GALNTL6: variants seen among roughly 807,000 people sequenced by gnomAD.
GALNTL6 encodes polypeptide N-acetylgalactosaminyltransferase like 6.
A neutral mutation model predicts 73.7 loss-of-function variants in GALNTL6; 46 were observed. That is an observed-to-expected ratio of 0.62 (90% CI 0.49 to 0.80). The LOEUF is 0.80. GALNTL6 is among the 30% of genes least tolerant of loss of function. The probability of loss-of-function intolerance (pLI) is 0.00; values close to 1 mark genes in which losing one functional copy is unlikely to be tolerated. For missense variants in GALNTL6, 604 were observed against 755.0 expected, an observed-to-expected ratio of 0.80 and a Z score of 2.34; for synonymous variants, 259 against 263.7, an observed-to-expected ratio of 0.98 and a Z score of 0.17.
In GALNTL6 at chr4:172,682,465, T is replaced by C. The variant is rs564814762; in HGVS notation, c.554-126896T>C. Among the ~76,000 whole-genome samples, 53 of 152,294 alleles carry C rather than the reference T, an allele frequency of 3.5e-4. 1 individual carries two copies. The East Asian group carries it at 8.9e-3, about 26-fold the overall frequency. On this transcript the variant is annotated intron_variant, in intron 5 of 12. Transcript: ENST00000506823. ...TGAAGGATAAGTTCAAAAATAGTAA[T>C]GTGTCTGTAATAAAGACTTTGTAAA...
At position 171,890,207 on chromosome 4, in the gene GALNTL6, A is replaced by G. The variant is rs570040435; in HGVS notation, c.138+75489A>G. Among the ~76,000 whole-genome samples the G allele has an allele frequency of 1.7e-4, 26 of 152,210 alleles. No individual in the cohort carries two copies. The East Asian group carries it at 4.4e-3, about 26-fold the overall frequency. ...ATTTTTCCAGGCTTTCTCTATATGT[A>G]TATATCATCATTTCCAAGACCTGCA... On this transcript the variant is annotated intron_variant, in intron 2 of 12. Coordinates refer to ENST00000506823, the MANE Select transcript of GALNTL6 (RefSeq NM_001034845.3).
intron 2 of GALNTL6, among the ~76,000 whole-genome samples, chr4:172,178,496 A>G (rs1735122039): frequency 6.6e-6 from 1 of 151,770 alleles, no homozygotes; most frequent in Non-Finnish European, 1.5e-5. Flanking sequence ...TTCAACTCCT[A>G]CTTATGAGTA....
intron 5 of GALNTL6, among the ~76,000 whole-genome samples, chr4:172,513,418 C>A (rs1464071683): frequency 6.6e-6 from 1 of 152,148 alleles, no homozygotes; most frequent in Non-Finnish European, 1.5e-5. Flanking sequence ...CTTTTTCTGG[C>A]AATTCAGATA....
chr4:172,301,273 C>CT (rs1403927327), intron 3 of GALNTL6, among the ~76,000 whole-genome samples: 10 of 151,842 alleles, frequency 6.6e-5, no homozygotes, highest in Non-Finnish European at 1.5e-4. Flanking sequence ...TTTGTCTAAT[C>CT]TTTTTTCAAG....
intron 10 of GALNTL6, among the ~76,000 whole-genome samples, chr4:172,963,073 C>T (rs970704523): frequency 6.6e-6 from 1 of 152,038 alleles, no homozygotes; most frequent in Non-Finnish European, 1.5e-5. Flanking sequence ...GTGTCCCCTC[C>T]AACCTCCTCT....
chr4:172,949,369 AG>A (rs1462510502), intron 9 of GALNTL6, among the ~76,000 whole-genome samples: 2 of 152,212 alleles, frequency 1.3e-5, no homozygotes, highest in East Asian at 3.9e-4. Flanking sequence ...AGAATTTTAA[AG>A]GTATATTTTT....
chr4:172,136,466 T>G (rs1424172130), intron 2 of GALNTL6, among the ~76,000 whole-genome samples: 1 of 152,048 alleles, frequency 6.6e-6, no homozygotes, highest in East Asian at 1.9e-4. Context: ...GTCTGGCCTA[T>G]TTAGTCTCAA....
At chr4:172,311,798 T>A in intron 4 of GALNTL6, 46 bp downstream of exon 4, 1 of 1,373,792 alleles carries the variant, frequency 7.3e-7, no homozygotes, top group Non-Finnish European at 9.6e-7. Flanking sequence ...TTTTGGTTTT[T>A]TTTGTCCTTT....
intron 9 of GALNTL6, among the ~76,000 whole-genome samples, chr4:172,946,072 T>A (rs769637085): frequency 2.0e-5 from 3 of 152,170 alleles, no homozygotes; most frequent in Non-Finnish European, 4.4e-5. Flanking sequence ...AATTAGAAAC[T>A]GTTTCTGTTT....
chr4:171,994,439 A>G (rs908430045), intron 2 of GALNTL6, among the ~76,000 whole-genome samples: 1 of 152,064 alleles, frequency 6.6e-6, no homozygotes, highest in Admixed American at 6.6e-5. Context: ...GCTGTGTCCT[A>G]ATGAACATGG....
At chr4:171,937,911 T>C (rs1229318243) in intron 2 of GALNTL6, among the ~76,000 whole-genome samples, 2 of 152,120 alleles carry the variant, frequency 1.3e-5, no homozygotes, top group Non-Finnish European at 2.9e-5. Context: ...CAACAATCTG[T>C]CCGTGAATCT....
chr4:172,834,328 G>A (rs918843282), intron 7 of GALNTL6, among the ~76,000 whole-genome samples: 1 of 152,136 alleles, frequency 6.6e-6, no homozygotes, highest in African/African-American at 2.4e-5. Flanking sequence ...TAAGTGAAGA[G>A]AGAAGGTGTC....
chr4:171,968,842 G>A (rs13107898), intron 2 of GALNTL6, among the ~76,000 whole-genome samples: 1 of 94,898 alleles, frequency 1.1e-5, no homozygotes, highest in Non-Finnish European at 2.6e-5. Flanking sequence ...TGTGCGGGGT[G>A]GGGGGGGGGT....
chr4:172,178,360 G>A (rs1735114549), intron 2 of GALNTL6, among the ~76,000 whole-genome samples: 1 of 152,054 alleles, frequency 6.6e-6, no homozygotes, highest in South Asian at 2.1e-4. Context: ...ATGGTGGTTT[G>A]CTGCACCCAT....
At chr4:172,107,700 T>A (rs1297999267) in intron 2 of GALNTL6, among the ~76,000 whole-genome samples, 2 of 138,026 alleles carry the variant, frequency 1.4e-5, no homozygotes, top group African/African-American at 5.2e-5. Context: ...GGGGGAGGGA[T>A]AGCATTAGGA....
At chr4:172,190,457 A>C (rs1413996605) in intron 2 of GALNTL6, among the ~76,000 whole-genome samples, 2 of 152,152 alleles carry the variant, frequency 1.3e-5, no homozygotes, top group African/African-American at 4.8e-5. Flanking sequence ...AGGGATTTGA[A>C]TTATGAGGAG....
At chr4:172,958,787 G>A (rs1749888650) in intron 10 of GALNTL6, among the ~76,000 whole-genome samples, 1 of 152,178 alleles carries the variant, frequency 6.6e-6, no homozygotes, top group Admixed American at 6.5e-5. Context: ...GTCAGGGTCA[G>A]TCTAAGTGAA....
chr4:172,924,286 C>CA (rs1285715474), intron 8 of GALNTL6, among the ~76,000 whole-genome samples: 7 of 152,046 alleles, frequency 4.6e-5, no homozygotes, highest in African/African-American at 1.4e-4. Context: ...TTGAACTGGC[C>CA]AAAACCTTTC....
intron 5 of GALNTL6, among the ~76,000 whole-genome samples, chr4:172,767,049 C>A (rs546545631): frequency 4.6e-5 from 7 of 152,152 alleles, no homozygotes; most frequent in Admixed American, 1.3e-4. Context: ...CAGCACTATG[C>A]AATTTGCATC....
Sources: gnomAD v4.1 joint callset for allele counts (sites outside exome capture counted in the v4.1 genomes callset) on GRCh38, gnomAD v4.1.1 for gene constraint, MANE v1.5 for transcripts, NCBI Gene and HGNC (gene_info 2026-07-23, HGNC 2026-07-21) for gene names.